The following KCNS3 variants were observed in gnomAD, a reference collection of about 807,000 sequenced individuals.
KCNS3 encodes the protein delayed-rectifier potassium channel regulatory subunit KCNS3.
A neutral mutation model predicts 31.0 loss-of-function variants in KCNS3; 13 were observed. The ratio of observed to expected loss-of-function variants is 0.42; its 90% CI spans 0.27 to 0.67. The LOEUF (loss-of-function observed/expected upper bound fraction) is 0.67, where lower values mean the gene tolerates loss of function less well. KCNS3 is among the 30% of genes least tolerant of loss of function. The pLI, the probability that KCNS3 is intolerant of heterozygous loss-of-function variation, is 0.25. For synonymous variants in KCNS3, 238 were observed against 241.5 expected (o/e 0.99, Z 0.13); for missense variants, 545 against 622.4 (o/e 0.88, Z 1.32).
intron 1 of KCNS3, among the ~76,000 whole-genome samples, chr2:17,898,822 G>T (rs1662093400): frequency 6.6e-6 from 1 of 152,184 alleles, no homozygotes; most frequent in Admixed American, 6.5e-5. Context: ...TTGCTCCAAG[G>T]TCTACCTAGA....
intron 1 of KCNS3, among the ~76,000 whole-genome samples, chr2:17,889,867 G>T (rs1013174930): frequency 6.6e-6 from 1 of 152,100 alleles, no homozygotes; most frequent in East Asian, 1.9e-4. Context: ...GTTCTTCAAG[G>T]ATATCGGTCT....
At chr2:17,921,920 T>C (rs1395965633) in intron 2 of KCNS3, among the ~76,000 whole-genome samples, 5 of 36,740 alleles carry the variant, frequency 1.4e-4, no homozygotes, top group African/African-American at 2.4e-4. Flanking sequence ...TGTGTGTATA[T>C]ATATATATAT....
At chr2:17,882,865 CT>C (rs146345893) in intron 1 of KCNS3, among the ~76,000 whole-genome samples, 1,672 of 152,002 alleles carry the variant, frequency 0.011, 10 homozygotes, top group Non-Finnish European at 0.018. Flanking sequence ...GCACATTATA[CT>C]TTTTTTTCAC....
At chr2:17,882,465 C>T (rs1318699927) in intron 1 of KCNS3, among the ~76,000 whole-genome samples, 1 of 152,186 alleles carries the variant, frequency 6.6e-6, no homozygotes, top group Non-Finnish European at 1.5e-5. Context: ...TTAAGTCCAG[C>T]ATCTTTCTGC....
chr2:17,908,106 G>A (rs1051053820), intron 1 of KCNS3, among the ~76,000 whole-genome samples: 12 of 152,172 alleles, frequency 7.9e-5, no homozygotes, highest in Non-Finnish European at 1.2e-4. Context: ...CCAATCAGAC[G>A]TAGATTTGGT....
chr2:17,905,563 T>C (rs1208021188), intron 1 of KCNS3, among the ~76,000 whole-genome samples: 3 of 152,142 alleles, frequency 2.0e-5, no homozygotes, highest in Non-Finnish European at 4.4e-5. Flanking sequence ...ATGCTTCCAG[T>C]TTTTGCCCAT....
intron 2 of KCNS3, among the ~76,000 whole-genome samples, chr2:17,919,863 A>G (rs1662673911): frequency 6.6e-6 from 1 of 152,200 alleles, no homozygotes; most frequent in African/African-American, 2.4e-5. Context: ...CCATGCTCAG[A>G]CAATGCTGTA....
intron 1 of KCNS3, among the ~76,000 whole-genome samples, chr2:17,881,573 T>C (rs1204295451): frequency 6.6e-6 from 1 of 152,212 alleles, no homozygotes; most frequent in African/African-American, 2.4e-5. Flanking sequence ...CTTAGGATGG[T>C]AGGTTCTATT....
intron 1 of KCNS3, among the ~76,000 whole-genome samples, chr2:17,884,258 AAAAAAAAAAAATAT>A (rs1674709989): frequency 2.0e-5 from 1 of 49,552 alleles, no homozygotes; most frequent in African/African-American, 7.9e-5. Context: ...AGTATAATTA[AAAAAAAAAAAATAT>A]ATATATATAT....
At chr2:17,880,937 G>A (rs1674631878) in intron 1 of KCNS3, among the ~76,000 whole-genome samples, 1 of 152,212 alleles carries the variant, frequency 6.6e-6, no homozygotes, top group African/African-American at 2.4e-5. Flanking sequence ...CCATTGGAAT[G>A]TGTGTCAGCT....
intron 1 of KCNS3, among the ~76,000 whole-genome samples, chr2:17,894,417 A>G (rs551767374): frequency 2.0e-5 from 3 of 152,314 alleles, no homozygotes; most frequent in South Asian, 4.1e-4. Context: ...ATTTGATGTA[A>G]GTAGACAAAC....
intron 1 of KCNS3, among the ~76,000 whole-genome samples, chr2:17,914,402 C>G (rs1662543766): frequency 1.3e-5 from 2 of 152,134 alleles, no homozygotes; most frequent in Non-Finnish European, 2.9e-5. Context: ...TCTTGACATT[C>G]AAAACCCCAC....
At chr2:17,893,387 G>A (rs1211246557) in intron 1 of KCNS3, among the ~76,000 whole-genome samples, 2 of 152,220 alleles carry the variant, frequency 1.3e-5, no homozygotes, top group Non-Finnish European at 2.9e-5. Context: ...CCTGGCCTGT[G>A]AAGTCTGCAT....
At chr2:17,917,426 G>A (rs1026773703) in intron 1 of KCNS3, among the ~76,000 whole-genome samples, 3 of 152,174 alleles carry the variant, frequency 2.0e-5, no homozygotes, top group African/African-American at 4.8e-5. Flanking sequence ...AGATGTTTTA[G>A]TGGCCTCTGT....
chr2:17,903,481 A>C (rs1662235811), intron 1 of KCNS3, among the ~76,000 whole-genome samples: 1 of 152,068 alleles, frequency 6.6e-6, no homozygotes, highest in South Asian at 2.1e-4. Context: ...TTATACTTTA[A>C]GTTCTAGGGT....
At chr2:17,880,472 A>G (rs1674619745) in intron 1 of KCNS3, among the ~76,000 whole-genome samples, 1 of 152,230 alleles carries the variant, frequency 6.6e-6, no homozygotes, top group African/African-American at 2.4e-5. Flanking sequence ...TCGTTTCTGA[A>G]CTAGGAATTG....
intron 1 of KCNS3, among the ~76,000 whole-genome samples, chr2:17,892,690 T>C (rs1324771622): frequency 6.6e-6 from 1 of 152,064 alleles, no homozygotes; most frequent in African/African-American, 2.4e-5. Flanking sequence ...TGAACTGCAG[T>C]GATTGTTGTC....
chr2:17,932,080 C>G lies in KCNS3; in HGVS notation c.1072C>G (p.Pro358Ala). ...CCACACATCCAGCCTCACCAGCATC[C>G]CCATCTGCTGGTGGTGGGCCACCAT... ...DDHTSSLTSI[P>A]ICWWWATISM... Residue 358 changes from proline (P) to alanine (A), a missense_variant, in exon 3 of 3, where the codon CCC becomes GCC. Physicochemically the swap from Pro to Ala is conservative, Grantham distance 27. Coordinates refer to ENST00000304101, the MANE Select transcript of KCNS3 (RefSeq NM_002252.5). The G allele has an allele frequency of 6.2e-7, 1 of 1,614,080 alleles. No homozygotes were observed. Among genetic ancestry groups the G allele is most frequent in the Non-Finnish European group, 8.5e-7 (1 of 1,180,010 alleles).
chr2:17,922,428 C>G (rs192687194), intron 2 of KCNS3, among the ~76,000 whole-genome samples: 29 of 152,234 alleles, frequency 1.9e-4, no homozygotes, highest in African/African-American at 7.0e-4. Flanking sequence ...AGGCTGGTCT[C>G]AAACTCCTGG....
Sources: gnomAD v4.1 joint callset for allele counts (sites outside exome capture counted in the v4.1 genomes callset) on GRCh38, gnomAD v4.1.1 for gene constraint, MANE v1.5 for transcripts, NCBI Gene and HGNC (gene_info 2026-07-23, HGNC 2026-07-21) for gene names.